Variants in LMNB2 observed in about 807,000 individuals in gnomAD.
LMNB2 encodes lamin-B2.
In LMNB2, 17 loss-of-function variants were observed where a neutral mutation model predicts 69.3. The observed-to-expected ratio is 0.25, with a 90% confidence interval of 0.17 to 0.37. LMNB2 has a LOEUF of 0.37. Ranked by LOEUF, LMNB2 falls within the 10% of genes least tolerant of loss-of-function variation. The pLI is 1.00. For missense variants in LMNB2, 789 were observed against 883.6 expected, an observed-to-expected ratio of 0.89 and a Z score of 1.36; for synonymous variants, 397 against 389.3, an observed-to-expected ratio of 1.02 and a Z score of -0.23.
In LMNB2 at chr19:2,443,621, C is replaced by T. The variant is rs1264424319; in HGVS notation, c.401+783G>A. Reference sequence around the variant, plus strand: ...AGGAAATCCGAGGCACCTGCAGGTGCCTGAATGCCGGTGGCCGGAGACCAC... The same window carrying T: ...AGGAAATCCGAGGCACCTGCAGGTGTCTGAATGCCGGTGGCCGGAGACCAC... On this transcript the variant is annotated intron_variant, in intron 2 of 11. Transcript: ENST00000325327. The surrounding 1 kb of genome is among the most constrained non-coding windows in gnomAD (Gnocchi z 6.2). Among the ~76,000 whole-genome samples, 13 of 152,144 alleles carry T rather than the reference C, an allele frequency of 8.5e-5. No homozygotes were observed. The highest frequency in any genetic ancestry group is 8.5e-4 in the Admixed American group (13 of 15,276).
intron 2 of LMNB2, among the ~76,000 whole-genome samples, chr19:2,439,188 C>A (rs12162272): frequency 0.09 from 13,661 of 151,628 alleles, 880 homozygotes; most frequent in East Asian, 0.37. Context: ...ACGGCTGACT[C>A]TTAAATGTTT....
chr19:2,432,272 C>T (rs1954882931), intron 9 of LMNB2, 144 bp downstream of exon 9: 1 of 739,126 alleles, frequency 1.4e-6, no homozygotes, highest in African/African-American at 1.7e-5. Flanking sequence ...CATGGAGGTT[C>T]TATGACTGCG....
intron 2 of LMNB2, among the ~76,000 whole-genome samples, chr19:2,441,205 C>T (rs140540654): frequency 6.6e-6 from 1 of 152,232 alleles, no homozygotes; most frequent in Non-Finnish European, 1.5e-5. Flanking sequence ...AGGCCACCTG[C>T]CAGGTAAAAG....
chr19:2,440,457 T>C (rs1403556512), intron 2 of LMNB2, among the ~76,000 whole-genome samples: 1 of 152,258 alleles, frequency 6.6e-6, no homozygotes, highest in East Asian at 1.9e-4. Flanking sequence ...CCCAAAGTGC[T>C]GGGATTACAG....
Position 2,433,906 on chromosome 19 carries a change from C to G in LMNB2, c.1402G>C (p.Ala468Pro). 6.2e-7 allele frequency: 1 copy of G among 1,612,364 alleles called. No individual in the cohort carries two copies. The highest frequency in any genetic ancestry group is 8.5e-7 in the Non-Finnish European group (1 of 1,179,412). Reference protein sequence around the residue: ...GSGGFHLAQQASASGSVSIEE... With the variant: ...GSGGFHLAQQPSASGSVSIEE... The stretch of plus-strand genomic sequence containing the variant: ...ATGCTGACGCTACCCGAGGCCGAGG[C>G]CTGCTGGGCCAGGTGGAAGCCACCG... The change falls in exon 8 of 12, where the codon GCC becomes CCC. Residue 468 changes from alanine to proline, a missense_variant. Coordinates refer to ENST00000325327, the MANE Select transcript of LMNB2 (RefSeq NM_032737.4).
rs4807267 is a variant in LMNB2 at position 2,443,400 on chromosome 19, A to T, written c.401+1004T>A. ...TGGGGGCCCCGGCACTGTTGGACAC[A>T]GGGTCCCCGGTCATTCCTCTGGCCA... On this transcript the variant is annotated intron_variant, in intron 2 of 11. Transcript: ENST00000325327. The surrounding 1 kb of genome is among the most constrained non-coding windows in gnomAD (Gnocchi z 6.2). Among the ~76,000 whole-genome samples the T allele has an allele frequency of 2.6e-5, 4 of 151,954 alleles. No individual in the cohort carries two copies. The highest frequency in any genetic ancestry group is 9.7e-5 in the African/African-American group (4 of 41,350).
Position 2,430,945 on chromosome 19 carries a change from G to C in LMNB2, c.1829C>G (p.Pro610Arg), listed in dbSNP as rs746824767. ...EEDLFHQQGD[P>R]RTTSRGCYVM ...GTAGCAGCCTCTTGAGGTGGTCCTC[G>C]GGTCCCCCTGCAGGAAGGAAGGAAG... Residue 610 changes from proline to arginine, a missense_variant, in exon 12 of 12, where the codon CCG becomes CGG. Pro to Arg is a moderately radical substitution (Grantham distance 103). Coordinates refer to ENST00000325327, the MANE Select transcript of LMNB2 (RefSeq NM_032737.4). 1 of 1,609,200 alleles carries C rather than the reference G, an allele frequency of 6.2e-7. No individual in the cohort carries two copies. Among genetic ancestry groups the C allele is most frequent in the East Asian group, 2.2e-5 (1 of 44,864 alleles).
intron 1 of LMNB2, among the ~76,000 whole-genome samples, chr19:2,450,580 C>T (rs1972011006): frequency 6.6e-6 from 1 of 151,794 alleles, no homozygotes; most frequent in African/African-American, 2.4e-5. Context: ...GAATTTAAGA[C>T]CAGTCTGGTC....
chr19:2,431,112 G>A (rs933726055), intron 11 of LMNB2, among the ~76,000 whole-genome samples, 160 bp from the exon 12 acceptor site: 1 of 151,800 alleles, frequency 6.6e-6, no homozygotes, highest in Non-Finnish European at 1.5e-5. Flanking sequence ...CCATGAGCCC[G>A]CCTGTGAGCT....
rs969627551 is a variant in LMNB2 at position 2,434,025 on chromosome 19, G to C, written c.1283C>G (p.Thr428Ser). Residue 428 changes from threonine to serine, a missense_variant, in exon 8 of 12, where the codon ACC becomes AGC. Thr to Ser is a moderately conservative substitution (Grantham distance 58, BLOSUM62 1). Coordinates refer to ENST00000325327, the MANE Select transcript of LMNB2 (RefSeq NM_032737.4). ...CCGCTTACTGCGGCCCAGGCGCCCGGTGGCGGACAAGCTGCCGCTGCTGCT... is the reference window on the plus strand; with the variant it reads ...CCGCTTACTGCGGCCCAGGCGCCCGCTGGCGGACAAGCTGCCGCTGCTGCT... ...TSSSSGSLSATGRLGRSKRKR... is the reference protein window; with the variant it reads ...TSSSSGSLSASGRLGRSKRKR... The C allele has an allele frequency of 6.2e-7, 1 of 1,604,926 alleles. No homozygotes were observed. The highest frequency in any genetic ancestry group is 1.7e-4 in the Middle Eastern group (1 of 5,994).
In LMNB2 at chr19:2,438,512, C is replaced by T. The variant is rs370270636; in HGVS notation, c.421G>A (p.Glu141Lys). 8.1e-6 allele frequency: 13 copies of T among 1,608,944 alleles called. No homozygotes were observed. The highest frequency in any genetic ancestry group is 1.1e-5 in the Non-Finnish European group (13 of 1,177,978). The change falls in exon 3 of 12, where the codon GAG becomes AAG. Residue 141 changes from glutamate to lysine, a missense_variant. Coordinates refer to ENST00000325327, the MANE Select transcript of LMNB2 (RefSeq NM_032737.4). ...ACACGGCCCTGGGCCACCGTAAGCTCGCCCTCCCTCTTCTTGGCGCTGAAA... is the reference window on the plus strand; with the variant it reads ...ACACGGCCCTGGGCCACCGTAAGCTTGCCCTCCCTCTTCTTGGCGCTGAAA... ...VNKSAKKREG[E>K]LTVAQGRVKD... is the part of the protein sequence containing the mutation.
chr19:2,431,430 C>CG lies in LMNB2; in HGVS notation c.1821+117dup, dbSNP rs1466134002. The CG allele has an allele frequency of 4.5e-6, 6 of 1,335,818 alleles. No homozygotes were observed. The African/African-American group carries it at 8.6e-5, about 19-fold the overall frequency. The allele number at this position is 1,335,818 out of a possible 1,614,324, so 82.7% of individuals were successfully genotyped here. ...CCAAGGCTGGCTTCACCCTGAGCCA[C>CG]GGCAGCCAGATGGAGCTCCCGTCGG... On this transcript the variant is annotated intron_variant, in intron 11 of 11. Transcript: ENST00000325327.
rs548445479 is a variant in LMNB2 at position 2,447,333 on chromosome 19, G to C, written c.265-2793C>G. Among the ~76,000 whole-genome samples the C allele has an allele frequency of 6.6e-6, 1 of 152,264 alleles. No homozygotes were observed. Among genetic ancestry groups the C allele is most frequent in the African/African-American group, 2.4e-5 (1 of 41,548 alleles). On this transcript the variant is annotated intron_variant, in intron 1 of 11. Transcript: ENST00000325327. The surrounding 1 kb of genome is among the most constrained non-coding windows in gnomAD (Gnocchi z 4.4). ...GACGCCAGACACAAAACGCCACACA[G>C]TGTGTAATCCCATTTCCATGAAATG...
chr19:2,447,995 T>C lies in LMNB2; in HGVS notation c.265-3455A>G, dbSNP rs1315420635. Among the ~76,000 whole-genome samples the C allele has an allele frequency of 6.6e-6, 1 of 152,168 alleles. No individual in the cohort carries two copies. Among genetic ancestry groups the C allele is most frequent in the African/African-American group, 2.4e-5 (1 of 41,428 alleles). ...CACGGGTCAGTAAAAAGCCGCCTCCTGACCACCGCTGGGTCCTAGACATAT... is the reference window on the plus strand; with the variant it reads ...CACGGGTCAGTAAAAAGCCGCCTCCCGACCACCGCTGGGTCCTAGACATAT... On this transcript the variant is annotated intron_variant, in intron 1 of 11. Coordinates refer to ENST00000325327, the MANE Select transcript of LMNB2 (RefSeq NM_032737.4). This position sits in a 1 kb window ranked among gnomAD's most constrained non-coding sequence, Gnocchi z 4.4.
intron 9 of LMNB2, 49 bp downstream of exon 9, chr19:2,432,367 C>T (rs760828900): frequency 7.0e-7 from 1 of 1,425,868 alleles, no homozygotes; most frequent in Admixed American, 1.7e-5. Context: ...CCTGACCCCA[C>T]CTCACACCCC....
At chr19:2,450,135 T>TATATATATATA (rs1568208688) in intron 1 of LMNB2, among the ~76,000 whole-genome samples, 2 of 151,308 alleles carry the variant, frequency 1.3e-5, no homozygotes, top group African/African-American at 4.9e-5. Context: ...TATATATATA[T>TATATATATATA]TCCATTAAAA....
chr19:2,446,320 C>T (rs1971955169), intron 1 of LMNB2, among the ~76,000 whole-genome samples: 1 of 151,874 alleles, frequency 6.6e-6, no homozygotes, highest in South Asian at 2.1e-4. Context: ...GCGACTGGAA[C>T]ACCCTCTGGG....
chr19:2,456,103 G>A (rs1186773391), intron 1 of LMNB2, among the ~76,000 whole-genome samples: 4 of 151,346 alleles, frequency 2.6e-5, no homozygotes, highest in African/African-American at 4.9e-5. Flanking sequence ...CCGCGATCGC[G>A]CGCCCCGTGG....
intron 9 of LMNB2, among the ~76,000 whole-genome samples, chr19:2,432,173 C>A (rs373831993): frequency 6.6e-6 from 1 of 152,088 alleles, no homozygotes; most frequent in Non-Finnish European, 1.5e-5. Context: ...TAACACTTCA[C>A]GGGGACGCCT....
Sources: gnomAD v4.1 joint callset for allele counts (sites outside exome capture counted in the v4.1 genomes callset) on GRCh38, gnomAD v4.1.1 for gene constraint, Gnocchi (gnomAD v3.1) non-coding constraint, MANE v1.5 for transcripts, NCBI Gene and HGNC (gene_info 2026-07-23, HGNC 2026-07-21) for gene names.